The following TUBGCP2 variants were observed in gnomAD, a reference collection of about 807,000 sequenced individuals.
The protein encoded by TUBGCP2 is gamma-tubulin complex component 2.
In TUBGCP2, 55 loss-of-function variants were observed where a neutral mutation model predicts 92.2. The ratio of observed to expected loss-of-function variants is 0.60; its 90% confidence interval spans 0.48 to 0.75. The LOEUF (loss-of-function observed/expected upper bound fraction) is 0.75. TUBGCP2 is among the 30% of genes least tolerant of loss of function. The pLI is 0.00. For synonymous variants in TUBGCP2, 533 were observed against 505.2 expected, an observed-to-expected ratio of 1.06 and a Z score of -0.74; for missense variants, 1,093 against 1,188.9, an observed-to-expected ratio of 0.92 and a Z score of 1.19.
intron 1 of TUBGCP2, among the ~76,000 whole-genome samples, chr10:133,304,596 G>A (rs970166087): frequency 5.9e-5 from 9 of 152,170 alleles, no homozygotes; most frequent in Non-Finnish European, 1.0e-4. Context: ...GAGTGTGGGC[G>A]GCAAGCCACC....
chr10:133,307,059 T>C (rs3008353), intron 1 of TUBGCP2, among the ~76,000 whole-genome samples: 31,640 of 152,122 alleles, frequency 0.21, 4,122 homozygotes, highest in African/African-American at 0.36. Flanking sequence ...GGGCGGGGGA[T>C]GCTAATCATC....
Position 133,300,100 on chromosome 10 carries a change from T to G in TUBGCP2, c.164A>C (p.Glu55Ala). 1 of 1,613,468 alleles carries G rather than the reference T, an allele frequency of 6.2e-7. No homozygotes were observed. Among genetic ancestry groups the G allele is most frequent in the Non-Finnish European group, 8.5e-7 (1 of 1,179,658 alleles). Residue 55 changes from glutamate to alanine, a missense_variant, in exon 3 of 18, where the codon GAG (glutamate) becomes GCG (alanine). This residue lies in a region of TUBGCP2 where 490 missense variants were observed against 488.5 expected (regional missense o/e 1.00). Coordinates refer to ENST00000252936, the MANE Select transcript of TUBGCP2 (RefSeq NM_006659.4). ...AAAGTCTTCTGGAGTACGAGAAAAC[T>G]CTGCAATTTTAACCTCAAAAGCACA... Reference protein sequence around the residue: ...SAHSAKVKIAEFSRTPEDFLK... With the variant: ...SAHSAKVKIAAFSRTPEDFLK...
At chr10:133,306,960 C>A (rs1847835596) in intron 1 of TUBGCP2, among the ~76,000 whole-genome samples, 1 of 152,106 alleles carries the variant, frequency 6.6e-6, no homozygotes, top group Non-Finnish European at 1.5e-5. Context: ...CGCACAGAGT[C>A]CCTCCCCCCA....
upstream of TUBGCP2, chr10:133,312,179 C>T (rs896800753): frequency 7.1e-6 from 10 of 1,411,916 alleles, no homozygotes; most frequent in African/African-American, 1.4e-5. Context: ...GTGCCGTCTG[C>T]GTTTCTAGCG....
In TUBGCP2 at chr10:133,285,084, C is replaced by T. The variant is rs1847096889; in HGVS notation, c.2024+1G>A. The T allele has an allele frequency of 6.2e-7, 1 of 1,601,936 alleles. No homozygotes were observed. The highest frequency in any genetic ancestry group is 1.3e-5 in the African/African-American group (1 of 74,794). On this transcript the variant is annotated splice_donor_variant, in intron 13 of 17. Transcript: ENST00000252936. LOFTEE classifies it high-confidence loss of function. This position sits in a 1 kb window ranked among gnomAD's most constrained non-coding sequence, Gnocchi z 6.8. ...CATGCGGGGGCAGAGGAAGAACGCACCACTGGGCGGAGTGCAGCGAGTGCT... is the reference window on the plus strand; with the variant it reads ...CATGCGGGGGCAGAGGAAGAACGCATCACTGGGCGGAGTGCAGCGAGTGCT...
chr10:133,308,595 C>T (rs910147970), intron 1 of TUBGCP2: 1 of 166,816 alleles, frequency 6.0e-6, no homozygotes, highest in African/African-American at 2.4e-5. Context: ...ACCCGGAGGC[C>T]CGCTCCGCCC....
At chr10:133,288,030 G>C (rs1459305075) in intron 11 of TUBGCP2, 99 bp downstream of exon 11, 1 of 1,431,506 alleles carries the variant, frequency 7.0e-7, no homozygotes, top group East Asian at 2.5e-5. Flanking sequence ...CGCCTCACCG[G>C]GACGGGGAGT....
At position 133,289,848 on chromosome 10, in the gene TUBGCP2, T is replaced by C. The variant is rs775415052; in HGVS notation, c.1336A>G (p.Met446Val). 5 of 858,474 alleles carry C rather than the reference T, an allele frequency of 5.8e-6. No individual in the cohort carries two copies. The highest frequency in any genetic ancestry group is 7.7e-6 in the Non-Finnish European group (5 of 651,668). The allele number at this position is 858,474 out of a possible 1,614,324, so 53.2% of individuals were successfully genotyped here. A position where few individuals can be genotyped will look rare whatever the true frequency, so the allele number is the denominator to read the frequency against. Residue 446 changes from methionine (M) to valine (V), a missense_variant, in exon 9 of 18, where the codon ATG becomes GTG. Met to Val is a conservative substitution (Grantham distance 21). Around this residue, in one of 3 missense-constraint regions of TUBGCP2, gnomAD observed 598 missense variants for 675.5 expected, o/e 0.89. Transcript: ENST00000252936. ...CCTGTGCTGAGGATCTTGTCCGCCA[T>C]TTTCTGCAGGAAGGACGGGATCTGC... ...QQQIPSFLQK[M>V]ADKILSTGKY...
rs762635809 is a variant in TUBGCP2 at position 133,300,014 on chromosome 10, G to A, written c.250C>T (p.Leu84=). Residue 84 remains leucine (L), a synonymous_variant, in exon 3 of 18, where the codon CTG becomes TTG. Transcript: ENST00000252936. ...NTRNLDPLVY[L]LSKLTEDKET... The stretch of plus-strand genomic sequence containing the variant: ...TTGTCTTCCGTGAGCTTTGACAACA[G>A]GTACACCAGCGGGTCAAGGTTCCTT... 1 of 1,614,102 alleles carries A rather than the reference G, an allele frequency of 6.2e-7. No homozygotes were observed. The highest frequency in any genetic ancestry group is 1.1e-5 in the South Asian group (1 of 91,082).
Position 133,285,566 on chromosome 10 carries a change from C to T in TUBGCP2, c.1785G>A (p.Lys595=), listed in dbSNP as rs201572695. ...CGGCGTGCGCCATCGCCTTCTCCTGCTTGGTCTCGATGGCCAGGACGCGCA... is the reference window on the plus strand; with the variant it reads ...CGGCGTGCGCCATCGCCTTCTCCTGTTTGGTCTCGATGGCCAGGACGCGCA... ...QLLRVLAIET[K]QEKAMAHADP... The change falls in exon 12 of 18, where the codon AAG becomes AAA. Residue 595 remains lysine (K), a synonymous_variant. Coordinates refer to ENST00000252936, the MANE Select transcript of TUBGCP2 (RefSeq NM_006659.4). This position sits in a 1 kb window ranked among gnomAD's most constrained non-coding sequence, Gnocchi z 6.8. The T allele has an allele frequency of 1.3e-5, 20 of 1,567,120 alleles. No homozygotes were observed. The African/African-American group carries it at 2.0e-4, about 16-fold the overall frequency.
upstream of TUBGCP2, chr10:133,309,681 G>C: frequency 1.4e-6 from 2 of 1,432,480 alleles, no homozygotes; most frequent in Non-Finnish European, 2.0e-6. Flanking sequence ...GATGCATAGG[G>C]GCTTTATTGG....
At chr10:133,282,414 C>G (rs1263129905) in intron 15 of TUBGCP2, 72 bp from the exon 16 acceptor site, 2 of 1,509,306 alleles carry the variant, frequency 1.3e-6, no homozygotes, top group Non-Finnish European at 1.8e-6. Flanking sequence ...AAAACAAGTC[C>G]TGCAGGCACG....
At position 133,279,190 on chromosome 10, in the gene TUBGCP2, C is replaced by CA. The variant is rs1246923815; in HGVS notation, c.*575dup. 1 of 152,692 alleles carries CA rather than the reference C, an allele frequency of 6.5e-6. No homozygotes were observed. Among genetic ancestry groups the CA allele is most frequent in the African/African-American group, 2.4e-5 (1 of 41,478 alleles). 9.5% of individuals were successfully genotyped at this position (152,692 alleles called of 1,614,324 possible). A position where few individuals can be genotyped will look rare whatever the true frequency, so the allele number is the denominator to read the frequency against. Reference sequence around the variant, plus strand: ...CCACGGAGGGGGAGGTGTGGGCTCCCAGGGTGCCTGAGGGCCCTGTCTGTG... The same window carrying CA: ...CCACGGAGGGGGAGGTGTGGGCTCCCAAGGGTGCCTGAGGGCCCTGTCTGTG... On this transcript the variant is annotated 3_prime_UTR_variant, in exon 18 of 18. Coordinates refer to ENST00000252936, the MANE Select transcript of TUBGCP2 (RefSeq NM_006659.4).
intron 1 of TUBGCP2, among the ~76,000 whole-genome samples, chr10:133,304,237 G>A (rs977838818): frequency 2.0e-5 from 3 of 152,102 alleles, no homozygotes; most frequent in African/African-American, 7.2e-5. Context: ...AGGCTGAGGT[G>A]GGAGGATCGC....
At position 133,283,306 on chromosome 10, in the gene TUBGCP2, G is replaced by C. The variant is rs1001686465; in HGVS notation, c.2146-85C>G. 1.2e-5 allele frequency: 19 copies of C among 1,577,472 alleles called. No individual in the cohort carries two copies. In the East Asian group the frequency reaches 3.6e-4, roughly 30 times the overall value. On this transcript the variant is annotated intron_variant, in intron 14 of 17. Transcript: ENST00000252936. The stretch of plus-strand genomic sequence containing the variant: ...TGCGCACGTGCTCAGTTCTGGCTTT[G>C]TGCATTCCTGTTTACGCACTTCTAC...
rs774169998 is a variant in TUBGCP2, at chr10:133,285,307, C to T, written c.1896-94G>A. The T allele has an allele frequency of 1.8e-5, 29 of 1,592,712 alleles. No individual in the cohort carries two copies. The highest frequency in any genetic ancestry group is 5.3e-5 in the Admixed American group (3 of 56,990). On this transcript the variant is annotated intron_variant, in intron 12 of 17. Transcript: ENST00000252936. The surrounding 1 kb of genome is among the most constrained non-coding windows in gnomAD (Gnocchi z 6.8). ...ACTCCACAGTCCGCACCGTGGCCCC[C>T]GGACAGCCCGTGAATCTCTCGGACA...
chr10:133,293,377 G>A (rs1847410776), intron 6 of TUBGCP2, 139 bp from the exon 7 acceptor site: 2 of 1,224,812 alleles, frequency 1.6e-6, no homozygotes, highest in Admixed American at 4.4e-5. Flanking sequence ...TTTGCCCCAG[G>A]AGGAGATGAG....
At chr10:133,290,978 CAT>C in intron 8 of TUBGCP2, 1 of 163,122 alleles carries the variant, frequency 6.1e-6, no homozygotes, top group East Asian at 1.5e-4. Flanking sequence ...TGGGAACTAA[CAT>C]ATTTTTATCC....
At chr10:133,287,374 G>C (rs1847156987) in intron 11 of TUBGCP2, among the ~76,000 whole-genome samples, 1 of 152,122 alleles carries the variant, frequency 6.6e-6, no homozygotes. Context: ...TTGAGCCCAG[G>C]GGTTCAACCA....
Sources: allele counts gnomAD v4.1 joint callset (sites outside exome capture counted in the v4.1 genomes callset), GRCh38; gene constraint gnomAD v4.1.1; regional missense constraint gnomAD v4.1.1; non-coding constraint Gnocchi (gnomAD v3.1); transcripts MANE v1.5; gene names NCBI Gene and HGNC (gene_info 2026-07-23, HGNC 2026-07-21).